The following H3-7 variants were observed in gnomAD, a reference collection of about 807,000 sequenced individuals.
H3-7 encodes histone H3-7.
the H3-7 span, chr1:143,905,415 G>A: frequency 1.2e-5 from 8 of 661,944 alleles, no homozygotes; most frequent in Admixed American, 1.5e-4. Flanking sequence ...GTTCTGTAAC[G>A]TCACCCACCA....
chr1:143,905,936 A>G, the H3-7 span: 2 of 1,580,114 alleles, frequency 1.3e-6, no homozygotes, highest in Non-Finnish European at 1.7e-6. Context: ...CCGCCGGTCG[A>G]CTTGCGGGCA....
At chr1:143,904,876 A>G in the H3-7 span, among the ~76,000 whole-genome samples, 6 of 144,072 alleles carry the variant, frequency 4.2e-5, no homozygotes, top group African/African-American at 1.5e-4. Flanking sequence ...AGCTAGGTGA[A>G]GCGATAGTTT....
the H3-7 span, chr1:143,905,861 C>G: frequency 5.1e-6 from 8 of 1,581,088 alleles, no homozygotes; most frequent in African/African-American, 1.1e-4. Flanking sequence ...GGCTTCTTCA[C>G]CCCGCCCGTG....
chr1:143,904,460 C>T, the H3-7 span: 2 of 1,594,534 alleles, frequency 1.3e-6, no homozygotes, highest in African/African-American at 2.7e-5. Flanking sequence ...CGGGGTGGAC[C>T]TGCTTCAGCA....
At chr1:143,905,756 G>A in the H3-7 span, 1 of 1,582,094 alleles carries the variant, frequency 6.3e-7, no homozygotes. Flanking sequence ...TCGCGTACCA[G>A]CCGCTGGAAG....
At chr1:143,905,940 G>C in the H3-7 span, 2 of 1,580,244 alleles carry the variant, frequency 1.3e-6, no homozygotes, top group Admixed American at 1.7e-5. Flanking sequence ...CGGTCGACTT[G>C]CGGGCAGTCT....
At chr1:143,904,196 T>C in the H3-7 span, 1 of 1,478,172 alleles carries the variant, frequency 6.8e-7, no homozygotes, top group Non-Finnish European at 9.4e-7. Flanking sequence ...GGTTAGGTGG[T>C]TGATCTATTG....
At chr1:143,905,483 G>A in the H3-7 span, 13 of 1,110,704 alleles carry the variant, frequency 1.2e-5, 2 homozygotes, top group East Asian at 7.5e-5. Flanking sequence ...ATGGAGAGCC[G>A]GTACAGCTGC....
the H3-7 span, chr1:143,904,526 G>A: frequency 1.9e-6 from 3 of 1,596,708 alleles, no homozygotes; most frequent in African/African-American, 1.3e-5. Flanking sequence ...GCTTCTCGCC[G>A]TCCTTCTTCT....
chr1:143,903,735 A>G, the H3-7 span, among the ~76,000 whole-genome samples: 3 of 79,678 alleles, frequency 3.8e-5, no homozygotes, highest in East Asian at 1.2e-3. Context: ...AAAGTTTGTG[A>G]CAGACGCCTG....
the H3-7 span, among the ~76,000 whole-genome samples, chr1:143,902,989 G>A: frequency 7.9e-6 from 1 of 127,156 alleles, no homozygotes; most frequent in Non-Finnish European, 1.7e-5. Flanking sequence ...TCAGGAGATC[G>A]AGACCATCCC....
At chr1:143,902,907 G>C in the H3-7 span, among the ~76,000 whole-genome samples, 1 of 143,606 alleles carries the variant, frequency 7.0e-6, no homozygotes, top group Non-Finnish European at 1.5e-5. Context: ...TTTAACAAGC[G>C]CAAGGCCGGG....
At chr1:143,905,930 C>G in the H3-7 span, 5 of 1,580,082 alleles carry the variant, frequency 3.2e-6, no homozygotes, top group South Asian at 4.5e-5. Context: ...GCCTTGCCGC[C>G]GGTCGACTTG....
At chr1:143,905,810 G>A in the H3-7 span, 13 of 1,582,242 alleles carry the variant, frequency 8.2e-6, 1 homozygote, top group South Asian at 7.9e-5. Context: ...TGATAGCGCC[G>A]GATCTCCCGC....
the H3-7 span, chr1:143,905,637 C>T: frequency 3.6e-3 from 5,724 of 1,582,818 alleles, 522 homozygotes; most frequent in African/African-American, 0.067. Context: ...GGATGGCGCA[C>T]AGGTTCGTGT....
the H3-7 span, among the ~76,000 whole-genome samples, chr1:143,902,441 T>C: frequency 2.7e-5 from 4 of 145,518 alleles, no homozygotes; most frequent in African/African-American, 1.0e-4. Flanking sequence ...TCATAAAAAT[T>C]AGTAAAATTC....
the H3-7 span, chr1:143,904,634 A>T: frequency 1.9e-6 from 3 of 1,578,932 alleles, no homozygotes; most frequent in Admixed American, 5.1e-5. Context: ...CAGAGACTTA[A>T]AGAAGTAATC....
chr1:143,904,382 G>A, the H3-7 span: 9 of 1,582,822 alleles, frequency 5.7e-6, no homozygotes, highest in South Asian at 1.1e-5. Flanking sequence ...CCTCTCCCGC[G>A]ATGCGCTCGA....
chr1:143,905,610 G>A, the H3-7 span: 4 of 1,582,436 alleles, frequency 2.5e-6, 1 homozygote, highest in Non-Finnish European at 3.5e-6. Context: ...TGGGCATGAT[G>A]GTCACGCGCT....
Sources: gnomAD v4.1 joint callset for allele counts (sites outside exome capture counted in the v4.1 genomes callset) on GRCh38, gnomAD v4.1.1 for gene constraint, MANE v1.5 for transcripts, NCBI Gene and HGNC (gene_info 2026-07-23, HGNC 2026-07-21) for gene names.